USP38: variants seen among roughly 807,000 people sequenced by gnomAD.
USP38 encodes ubiquitin carboxyl-terminal hydrolase 38.
Under a neutral mutation model 94.3 loss-of-function variants are expected in USP38, and 49 were observed. That is an observed-to-expected ratio of 0.52 (90% confidence interval 0.41 to 0.66). The LOEUF is 0.66. USP38 is among the 30% of genes least tolerant of loss of function. The pLI is 0.00. For synonymous variants in USP38, 468 were observed against 463.6 expected, an observed-to-expected ratio of 1.01 and a Z score of -0.12; for missense variants, 1,128 against 1,229.4, an observed-to-expected ratio of 0.92 and a Z score of 1.23.
chr4:143,216,900 C>T (rs776027228), intron 9 of USP38, among the ~76,000 whole-genome samples: 8 of 151,144 alleles, frequency 5.3e-5, no homozygotes, highest in Non-Finnish European at 1.2e-4. Context: ...AACCTCCACT[C>T]CTGGGTTCAA....
chr4:143,214,526 T>C lies in USP38; in HGVS notation c.2550T>C (p.Gly850=). Residue 850 remains glycine, a synonymous_variant, in exon 9 of 10, where the codon GGT becomes GGC. Coordinates refer to ENST00000307017, the MANE Select transcript of USP38 (RefSeq NM_032557.6). ...YLLSSVVVHS[G]ISSESGHYYS... Reference sequence around the variant, plus strand: ...TAAGTTCCGTTGTGGTTCACTCTGGTATATCCTCTGAAAGTGGGCATTACT... The same window carrying C: ...TAAGTTCCGTTGTGGTTCACTCTGGCATATCCTCTGAAAGTGGGCATTACT... 6.2e-7 allele frequency: 1 copy of C among 1,613,634 alleles called. No homozygotes were observed. Among genetic ancestry groups the C allele is most frequent in the Non-Finnish European group, 8.5e-7 (1 of 1,179,824 alleles).
At chr4:143,198,788 C>T (rs1731626770) in intron 4 of USP38, among the ~76,000 whole-genome samples, 1 of 152,014 alleles carries the variant, frequency 6.6e-6, no homozygotes, top group Non-Finnish European at 1.5e-5. Context: ...GTGATTTCTG[C>T]AGTTAATTGC....
Position 143,185,162 on chromosome 4 carries a change from G to T in USP38, c.-289G>T. 3.3e-6 allele frequency: 1 copy of T among 300,722 alleles called. No homozygotes were observed. The allele number at this position is 300,722 out of a possible 1,614,324, so 18.6% of individuals were successfully genotyped here. ...GCCCGACAGGCCCCTCGGCGCTGAT[G>T]CTGAGTGGGATCGAGGGCCCGGGGC... is the stretch of plus-strand genomic sequence containing the variant. On this transcript the variant is annotated 5_prime_UTR_variant, in exon 1 of 10. It removes an upstream start codon present in the reference 5' UTR. Transcript: ENST00000307017.
chr4:143,186,082 C>A lies in USP38; in HGVS notation c.632C>A (p.Ala211Asp), dbSNP rs749495414. 15 of 1,614,198 alleles carry A rather than the reference C, an allele frequency of 9.3e-6. No individual in the cohort carries two copies. Among genetic ancestry groups the A allele is most frequent in the Non-Finnish European group, 1.2e-5 (14 of 1,180,034 alleles). The change falls in exon 1 of 10, where the codon GCC becomes GAC. Residue 211 changes from alanine (A) to aspartate (D), a missense_variant. By Grantham distance (126) the Ala-to-Asp change is moderately radical (BLOSUM62 -2). Transcript: ENST00000307017. ...LLQNIWKAEP[A>D]TLLPSLQEVF... ...CAGAACATCTGGAAGGCCGAGCCTG[C>A]CACACTACTGCCTTCCCTGCAAGAA...
In USP38 at chr4:143,220,558, C is replaced by G. The variant is rs1049531747; in HGVS notation, c.*102C>G. 6.8e-6 allele frequency: 8 copies of G among 1,169,882 alleles called. No homozygotes were observed. Among genetic ancestry groups the G allele is most frequent in the Non-Finnish European group, 9.0e-6 (8 of 891,746 alleles). 72.5% of individuals were successfully genotyped at this position (1,169,882 alleles called of 1,614,324 possible). A position where few individuals can be genotyped will look rare whatever the true frequency, so the allele number is the denominator to read the frequency against. On this transcript the variant is annotated 3_prime_UTR_variant, in exon 10 of 10. Coordinates refer to ENST00000307017, the MANE Select transcript of USP38 (RefSeq NM_032557.6). ...ATCTATCTTTTATTTTTCATTAGAC[C>G]CTTATACTTCAAGAGAACACACTCA...
At chr4:143,204,407 T>C in intron 5 of USP38, 1 of 454,804 alleles carries the variant, frequency 2.2e-6, no homozygotes, top group Non-Finnish European at 4.4e-6. Flanking sequence ...TTTTTTTTTT[T>C]TTTGGACAGT....
At chr4:143,194,926 T>G (rs1049221238) in intron 2 of USP38, among the ~76,000 whole-genome samples, 1 of 152,086 alleles carries the variant, frequency 6.6e-6, no homozygotes, top group African/African-American at 2.4e-5. Flanking sequence ...ATTGGGTAAT[T>G]TAATGAGTTT....
chr4:143,215,075 T>C (rs1039899304), intron 9 of USP38, 132 bp downstream of exon 9: 4 of 919,362 alleles, frequency 4.4e-6, no homozygotes, highest in Non-Finnish European at 6.4e-6. Flanking sequence ...TTACATGAAG[T>C]ATTCTCAACC....
intron 4 of USP38, among the ~76,000 whole-genome samples, chr4:143,202,297 T>C (rs1286731995): frequency 6.6e-6 from 1 of 152,154 alleles, no homozygotes; most frequent in Non-Finnish European, 1.5e-5. Context: ...AATGTAAAGC[T>C]AGACAGAGCA....
At position 143,215,054 on chromosome 4, in the gene USP38, T is replaced by TA. The variant is rs1732148478; in HGVS notation, c.2967+112dup. ...TGAGTTTTTATTAAATTCTGAAATA[T>TA]AGGTCTGGATTTACATGAAGTATTC... On this transcript the variant is annotated intron_variant, in intron 9 of 9. Transcript: ENST00000307017. 42 of 1,060,114 alleles carry TA rather than the reference T, an allele frequency of 4.0e-5. No homozygotes were observed. The South Asian group carries it at 6.6e-4, about 17-fold the overall frequency. The allele number at this position is 1,060,114 out of a possible 1,614,324, so 65.7% of individuals were successfully genotyped here. A position where few individuals can be genotyped will look rare whatever the true frequency, so the allele number is the denominator to read the frequency against.
intron 2 of USP38, among the ~76,000 whole-genome samples, chr4:143,194,778 G>A (rs2149605671): frequency 6.6e-6 from 1 of 152,322 alleles, no homozygotes; most frequent in Admixed American, 6.5e-5. Flanking sequence ...AGAGTGCTGA[G>A]ATTACAGGCG....
chr4:143,223,775 A>G lies in USP38; in HGVS notation c.*3319A>G, dbSNP rs565960771. The G allele has an allele frequency of 6.6e-6, 1 of 152,084 alleles. No individual in the cohort carries two copies. The highest frequency in any genetic ancestry group is 1.5e-5 in the Non-Finnish European group (1 of 68,006). The allele number at this position is 152,084 out of a possible 1,614,324, so 9.4% of individuals were successfully genotyped here. ...GAGCTCTTTTAAAATGACTATTTCA[A>G]AAATACTGTACATTTATATATAGTA... On this transcript the variant is annotated 3_prime_UTR_variant, in exon 10 of 10. Transcript: ENST00000307017.
intron 2 of USP38, among the ~76,000 whole-genome samples, chr4:143,194,650 G>A (rs1221562783): frequency 6.6e-6 from 1 of 152,172 alleles, no homozygotes; most frequent in African/African-American, 2.4e-5. Context: ...TGGGATTACA[G>A]GCACGTGCCG....
Position 143,185,426 on chromosome 4 carries a change from G to T in USP38, c.-25G>T, listed in dbSNP as rs1347159102. ...GCCGCCACCCGCTCCTTATCCCCTG[G>T]CCCTGGCCTTGCAGCGTGGCGACAA... is the stretch of plus-strand genomic sequence containing the variant. On this transcript the variant is annotated 5_prime_UTR_variant, in exon 1 of 10. Coordinates refer to ENST00000307017, the MANE Select transcript of USP38 (RefSeq NM_032557.6). The T allele has an allele frequency of 1.3e-6, 2 of 1,556,350 alleles. No individual in the cohort carries two copies. Among genetic ancestry groups the T allele is most frequent in the African/African-American group, 1.4e-5 (1 of 73,864 alleles).
intron 5 of USP38, among the ~76,000 whole-genome samples, chr4:143,205,147 T>G (rs1346267369): frequency 1.3e-5 from 2 of 152,212 alleles, no homozygotes; most frequent in Non-Finnish European, 2.9e-5. Context: ...GTTTAGTTCA[T>G]CAGAGTTTTT....
At position 143,187,940 on chromosome 4, in the gene USP38, G is replaced by A. The variant is rs771553760; in HGVS notation, c.797G>A (p.Ser266Asn). 55 of 1,613,510 alleles carry A rather than the reference G, an allele frequency of 3.4e-5. No homozygotes were observed. The South Asian group carries it at 6.0e-4, about 18-fold the overall frequency. The change falls in exon 2 of 10, where the codon AGT becomes AAT. Residue 266 changes from serine (S) to asparagine (N), a missense_variant. Physicochemically the swap from Ser to Asn is conservative, Grantham distance 46. Transcript: ENST00000307017. ...ACGGATCCAAATGTAAAAGATGCAA[G>A]TATGACCCAAGCCCTTTGCAGGTAC... Reference protein sequence around the residue: ...LTTDPNVKDASMTQALCRMID... With the variant: ...LTTDPNVKDANMTQALCRMID...
chr4:143,205,972 T>G, intron 5 of USP38, 61 bp from the exon 6 acceptor site: 1 of 1,288,804 alleles, frequency 7.8e-7, no homozygotes, highest in Non-Finnish European at 1.0e-6. Context: ...GTTAATTAAT[T>G]TAACAACAAA....
chr4:143,194,655 G>A (rs1342620558), intron 2 of USP38, among the ~76,000 whole-genome samples: 1 of 152,086 alleles, frequency 6.6e-6, no homozygotes, highest in Non-Finnish European at 1.5e-5. Flanking sequence ...TTACAGGCAC[G>A]TGCCGCCATG....
rs368335032 is a variant in USP38 at position 143,220,493 on chromosome 4, T to A, written c.*37T>A. 3.5e-5 allele frequency: 55 copies of A among 1,557,190 alleles called. No individual in the cohort carries two copies. Among genetic ancestry groups the A allele is most frequent in the Non-Finnish European group, 4.6e-5 (53 of 1,151,130 alleles). ...TCCAAAATGCACTGGTCACGAAACG[T>A]CTAATACTATGACTGTTAAAATGTC... On this transcript the variant is annotated 3_prime_UTR_variant, in exon 10 of 10. Coordinates refer to ENST00000307017, the MANE Select transcript of USP38 (RefSeq NM_032557.6).
Sources: gnomAD v4.1 joint callset for allele counts (sites outside exome capture counted in the v4.1 genomes callset) on GRCh38, gnomAD v4.1.1 for gene constraint, MANE v1.5 for transcripts, NCBI Gene and HGNC (gene_info 2026-07-23, HGNC 2026-07-21) for gene names.